Variants in CNOT4 observed in about 807,000 individuals in gnomAD.
The protein encoded by CNOT4 is CCR4-associated factor 4.
A neutral mutation model predicts 73.8 loss-of-function variants in CNOT4; 8 were observed. The ratio of observed to expected loss-of-function variants is 0.11; its 90% confidence interval spans 0.06 to 0.20. The LOEUF is 0.20. Ranked by LOEUF, CNOT4 falls within the 10% of genes least tolerant of loss-of-function variation. CNOT4 has a pLI of 1.00. For synonymous variants in CNOT4, 293 were observed against 321.1 expected (o/e 0.91, Z 0.94); for missense variants, 564 against 883.4 (o/e 0.64, Z 4.58).
At chr7:135,459,248 G>C (rs187809029) in intron 1 of CNOT4, among the ~76,000 whole-genome samples, 1 of 151,998 alleles carries the variant, frequency 6.6e-6, no homozygotes, top group South Asian at 2.1e-4. Context: ...CGGGCTTAAC[G>C]TTCCCTAAAC....
In CNOT4 at chr7:135,415,254, T is replaced by C. The variant is rs775397974; in HGVS notation, c.381A>G (p.Lys127=). ...CAAACTTCCCAAAATATTCTGGTCG[T>C]TTTAAAACCTATAAAAGAAGAAGAA... ...SQRLADPEVL[K]RPEYFGKFGK... The change falls in exon 4 of 12, where the codon AAA becomes AAG. Residue 127 remains lysine (K), a synonymous_variant. Coordinates refer to ENST00000541284, the MANE Select transcript of CNOT4 (RefSeq NM_001190850.2). The C allele has an allele frequency of 2.6e-6, 4 of 1,547,694 alleles. No homozygotes were observed. The African/African-American group carries it at 5.4e-5, about 21-fold the overall frequency.
intron 2 of CNOT4, among the ~76,000 whole-genome samples, chr7:135,436,486 TG>T (rs56202211): frequency 1 from 152,000 of 152,000 alleles, 76,000 homozygotes; most frequent in Non-Finnish European, 1. Context: ...ATGGAATGAC[TG>T]GGGAACCAAT....
chr7:135,498,352 C>G (rs1040573149), intron 1 of CNOT4, among the ~76,000 whole-genome samples: 1 of 152,158 alleles, frequency 6.6e-6, no homozygotes, highest in Non-Finnish European at 1.5e-5. Flanking sequence ...AAACCACAAT[C>G]TACAAACATG....
intron 1 of CNOT4, among the ~76,000 whole-genome samples, chr7:135,484,733 C>T (rs144741201): frequency 6.8e-5 from 9 of 133,266 alleles, no homozygotes; most frequent in African/African-American, 2.6e-4. Flanking sequence ...CTAGCCTAGG[C>T]AAGAGAGTGA....
chr7:135,404,168 A>G (rs1404996229), intron 7 of CNOT4, among the ~76,000 whole-genome samples: 1 of 152,236 alleles, frequency 6.6e-6, no homozygotes, highest in Non-Finnish European at 1.5e-5. Flanking sequence ...CAAATACGAC[A>G]TAGGAAGAAA....
In CNOT4 at chr7:135,364,065, G is replaced by A. The variant is rs767602229; in HGVS notation, c.1629C>T (p.Asp543=). The change falls in exon 11 of 12, where the codon GAC becomes GAT. Residue 543 remains aspartate (D), a splice_region_variant and synonymous_variant. Transcript: ENST00000541284. The surrounding 1 kb of genome is among the most constrained non-coding windows in gnomAD (Gnocchi z 4.3). ...NTGLGGIPVA[D]NSSSVESLNM... ...TTAAACTCTCTACAGAACTGCTGTT[G>A]TCTGGGAGATTTACCAACAAAAAAA... The A allele has an allele frequency of 5.7e-6, 9 of 1,567,574 alleles. No homozygotes were observed. The highest frequency in any genetic ancestry group is 7.7e-6 in the Non-Finnish European group (9 of 1,162,976).
rs867602827 is a variant in CNOT4 at position 135,363,722 on chromosome 7, C to T, written c.1840+132G>A. The T allele has an allele frequency of 3.1e-5, 22 of 703,758 alleles. No individual in the cohort carries two copies. Among genetic ancestry groups the T allele is most frequent in the East Asian group, 1.6e-4 (6 of 37,090 alleles). The allele number at this position is 703,758 out of a possible 1,614,324, so 43.6% of individuals were successfully genotyped here. On this transcript the variant is annotated intron_variant, in intron 11 of 11. Transcript: ENST00000541284. The surrounding 1 kb of genome is among the most constrained non-coding windows in gnomAD (Gnocchi z 4.3). ...ATGAGACTTGCATGACCCCTGAGAA[C>T]GAAACAAGCCACTCCACACTTGCGG...
intron 1 of CNOT4, among the ~76,000 whole-genome samples, chr7:135,488,759 GTATCAT>G (rs970955295): frequency 2.1e-4 from 32 of 152,140 alleles, no homozygotes; most frequent in African/African-American, 7.7e-4. Flanking sequence ...ATTATAGAAT[GTATCAT>G]TATTAATAGT....
chr7:135,480,520 T>C (rs1802303506), intron 1 of CNOT4, among the ~76,000 whole-genome samples: 1 of 152,182 alleles, frequency 6.6e-6, no homozygotes, highest in African/African-American at 2.4e-5. Flanking sequence ...CCAAACTTGA[T>C]CACACAGTCT....
At chr7:135,421,562 G>A (rs1325114887) in intron 3 of CNOT4, among the ~76,000 whole-genome samples, 1 of 152,078 alleles carries the variant, frequency 6.6e-6, no homozygotes, top group African/African-American at 2.4e-5. Flanking sequence ...GAAAAAAGAG[G>A]TACTAAGAAA....
chr7:135,467,309 T>C (rs916759246), intron 1 of CNOT4, among the ~76,000 whole-genome samples: 2 of 152,220 alleles, frequency 1.3e-5, no homozygotes, highest in South Asian at 2.1e-4. Flanking sequence ...GGTCTAAACA[T>C]AGCTATGCAA....
chr7:135,422,289 T>C lies in CNOT4; in HGVS notation c.239A>G (p.Asn80Ser). 1 of 1,585,246 alleles carries C rather than the reference T, an allele frequency of 6.3e-7. No individual in the cohort carries two copies. Among genetic ancestry groups the C allele is most frequent in the Non-Finnish European group, 8.7e-7 (1 of 1,153,770 alleles). The change falls in exon 3 of 12, where the codon AAT (asparagine) becomes AGT (serine). Residue 80 changes from asparagine to serine, a missense_variant. Around this residue, in one of 10 missense-constraint regions of CNOT4, gnomAD observed 76 missense variants for 208.7 expected, o/e 0.36. Coordinates refer to ENST00000541284, the MANE Select transcript of CNOT4 (RefSeq NM_001190850.2). Reference protein sequence around the residue: ...LSQEELQRIKNEKKQKQNERK... With the variant: ...LSQEELQRIKSEKKQKQNERK... ...CTCATTTTGTTTCTGTTTTTTCTCA[T>C]TCTTTATCCTTTGCAGCTCTTCCTG...
chr7:135,450,054 A>C (rs6948145), intron 1 of CNOT4, among the ~76,000 whole-genome samples: 13,076 of 152,196 alleles, frequency 0.086, 672 homozygotes, highest in East Asian at 0.16. Flanking sequence ...CATGACAAAC[A>C]GCTAAAAATA....
intron 1 of CNOT4, among the ~76,000 whole-genome samples, chr7:135,460,687 C>T (rs1296584946): frequency 1.3e-5 from 2 of 151,994 alleles, no homozygotes; most frequent in Non-Finnish European, 2.9e-5. Context: ...AAATGTGACA[C>T]CGAAACATGA....
At chr7:135,386,297 C>T (rs576622181) in intron 10 of CNOT4, 1 of 151,914 alleles carries the variant, frequency 6.6e-6, no homozygotes, top group Admixed American at 6.5e-5. Flanking sequence ...AAAATCTGGG[C>T]TCCAGGTTAA....
chr7:135,402,663 T>G (rs1050195925), intron 7 of CNOT4, among the ~76,000 whole-genome samples: 4 of 152,124 alleles, frequency 2.6e-5, no homozygotes, highest in Non-Finnish European at 4.4e-5. Context: ...CTCAAATTAT[T>G]AGATTTCACA....
At chr7:135,437,442 G>C (rs13234655) in intron 2 of CNOT4, among the ~76,000 whole-genome samples, 4 of 151,982 alleles carry the variant, frequency 2.6e-5, no homozygotes, top group African/African-American at 9.7e-5. Context: ...GCCTGCCTCA[G>C]CCTCCCAAAG....
intron 2 of CNOT4, among the ~76,000 whole-genome samples, chr7:135,430,339 A>AT (rs1296222900): frequency 1.3e-5 from 2 of 152,230 alleles, no homozygotes; most frequent in African/African-American, 4.8e-5. Flanking sequence ...AGAAAAGGTG[A>AT]TTTAAAAATT....
intron 2 of CNOT4, among the ~76,000 whole-genome samples, chr7:135,432,709 T>G (rs191258842): frequency 1.2e-4 from 19 of 152,252 alleles, no homozygotes; most frequent in African/African-American, 4.6e-4. Flanking sequence ...CATCCTCCAA[T>G]AGATTCCTGG....
Sources: allele counts gnomAD v4.1 joint callset (sites outside exome capture counted in the v4.1 genomes callset), GRCh38; gene constraint gnomAD v4.1.1; regional missense constraint gnomAD v4.1.1; non-coding constraint Gnocchi (gnomAD v3.1); transcripts MANE v1.5; gene names NCBI Gene and HGNC (gene_info 2026-07-23, HGNC 2026-07-21).